Variants in MAP3K20 observed in about 807,000 individuals in gnomAD.
MAP3K20 encodes mitogen-activated protein kinase kinase kinase 20, also known as HCCS-4.
In MAP3K20, 40 loss-of-function variants were observed where a neutral mutation model predicts 85.7. The observed-to-expected ratio is 0.47, with a 90% CI of 0.36 to 0.61. The LOEUF (loss-of-function observed/expected upper bound fraction) is 0.61. Among genes scored for constraint, MAP3K20 ranks in the 20% least tolerant of loss-of-function variants. The pLI, the probability that MAP3K20 is intolerant of heterozygous loss-of-function variation, is 0.00. For missense variants in MAP3K20, 817 were observed against 961.7 expected, an observed-to-expected ratio of 0.85 and a Z score of 1.99; for synonymous variants, 325 against 327.7, an observed-to-expected ratio of 0.99 and a Z score of 0.09.
At chr2:173,136,884 GC>G in intron 2 of MAP3K20, among the ~76,000 whole-genome samples, 1 of 152,202 alleles carries the variant, frequency 6.6e-6, no homozygotes, top group Non-Finnish European at 1.5e-5. Context: ...GCAGAAGAGT[GC>G]CCACATCCAT....
At chr2:173,264,780 G>T (rs1394579759) in intron 19 of MAP3K20, among the ~76,000 whole-genome samples, 1 of 152,046 alleles carries the variant, frequency 6.6e-6, no homozygotes, top group African/African-American at 2.4e-5. Context: ...CTCATGTGAC[G>T]TATGTAAAGT....
chr2:173,168,558 C>T lies in MAP3K20; in HGVS notation c.160-1247C>T, dbSNP rs185915987. ...AAATAACACTAATTCATAGTGTACA[C>T]ATTCCCAAAGGGGAGTCCCTTTCTG... On this transcript the variant is annotated intron_variant, in intron 2 of 19. Transcript: ENST00000375213. Among the ~76,000 whole-genome samples, 286 of 152,294 alleles carry T rather than the reference C, an allele frequency of 1.9e-3. 3 individuals carry two copies. Among genetic ancestry groups the T allele is most frequent in the Non-Finnish European group, 3.0e-3 (207 of 68,030 alleles).
At chr2:173,076,803 C>T (rs1011699718) in intron 1 of MAP3K20, among the ~76,000 whole-genome samples, 1 of 152,226 alleles carries the variant, frequency 6.6e-6, no homozygotes, top group African/African-American at 2.4e-5. Context: ...TGTGGGCTCC[C>T]AGACCTGCAC....
rs1688899238 is a variant in MAP3K20, at chr2:173,139,288, A to G, written c.160-30517A>G. Reference sequence around the variant, plus strand: ...AATTGACCATATTTCCGATGCCTTAATGTCCTCCGAAACATTACTGCCACA... The same window carrying G: ...AATTGACCATATTTCCGATGCCTTAGTGTCCTCCGAAACATTACTGCCACA... On this transcript the variant is annotated intron_variant, in intron 2 of 19. Coordinates refer to ENST00000375213, the MANE Select transcript of MAP3K20 (RefSeq NM_016653.3). Among the ~76,000 whole-genome samples, 3 of 152,278 alleles carry G rather than the reference A, an allele frequency of 2.0e-5. No homozygotes were observed. In the South Asian group the frequency reaches 6.2e-4, roughly 32 times the overall value.
chr2:173,266,511 C>T lies in MAP3K20; in HGVS notation c.2164C>T (p.Leu722Phe), dbSNP rs1685426625. The T allele has an allele frequency of 1.4e-5, 22 of 1,614,064 alleles. No individual in the cohort carries two copies. In the East Asian group the frequency reaches 4.9e-4, roughly 36 times the overall value. Residue 722 changes from leucine to phenylalanine, a missense_variant, in exon 20 of 20, where the codon CTC (leucine) becomes TTC (phenylalanine). This residue lies in a region of MAP3K20 where 454 missense variants were observed against 476.9 expected (regional missense o/e 0.95). Transcript: ENST00000375213. ...GTTCTACAGGGTTTCTCAGTCAGCA[C>T]TCAATCCTCACCAGTCGCCTGACTT... The part of the protein sequence containing the change: ...GKFYRVSQSA[L>F]NPHQSPDFKR...
intron 2 of MAP3K20, among the ~76,000 whole-genome samples, chr2:173,093,794 G>A (rs1192858280): frequency 6.6e-6 from 1 of 152,084 alleles, no homozygotes; most frequent in African/African-American, 2.4e-5. Flanking sequence ...TATACACCAT[G>A]GAATACTATG....
intron 3 of MAP3K20, 111 bp downstream of exon 3, chr2:173,170,003 A>G: frequency 1.0e-6 from 1 of 961,736 alleles, no homozygotes. Flanking sequence ...TGTTACTGTC[A>G]GATGTCACTT....
chr2:173,134,446 T>TTTTTTTC (rs1688740686), intron 2 of MAP3K20, among the ~76,000 whole-genome samples: 1 of 98,362 alleles, frequency 1.0e-5, no homozygotes, highest in Non-Finnish European at 2.1e-5. Flanking sequence ...TTTTTTTTTT[T>TTTTTTTC]TGCAGAGACG....
chr2:173,209,250 T>C (rs1683794008), intron 9 of MAP3K20, among the ~76,000 whole-genome samples: 1 of 152,152 alleles, frequency 6.6e-6, no homozygotes, highest in Non-Finnish European at 1.5e-5. Flanking sequence ...TTAGTTCCAA[T>C]AGATTGATAG....
chr2:173,263,327 T>C (rs765168538), intron 18 of MAP3K20, among the ~76,000 whole-genome samples: 11 of 152,228 alleles, frequency 7.2e-5, no homozygotes, highest in Non-Finnish European at 1.3e-4. Flanking sequence ...CAGATTTTCA[T>C]TTATTCAACA....
chr2:173,161,583 T>C (rs187117746), intron 2 of MAP3K20, among the ~76,000 whole-genome samples: 2 of 152,294 alleles, frequency 1.3e-5, no homozygotes, highest in East Asian at 1.9e-4. Flanking sequence ...TGTGGTATTA[T>C]ACTAGATATT....
At chr2:173,253,067 C>T (rs1685077597) in intron 16 of MAP3K20, among the ~76,000 whole-genome samples, 2 of 152,322 alleles carry the variant, frequency 1.3e-5, no homozygotes, top group South Asian at 4.1e-4. Context: ...TCACAGCCCC[C>T]TGCACGCCCA....
At chr2:173,175,816 A>G (rs961215629) in intron 3 of MAP3K20, among the ~76,000 whole-genome samples, 1 of 152,140 alleles carries the variant, frequency 6.6e-6, no homozygotes, top group Non-Finnish European at 1.5e-5. Context: ...GTTTGACTAG[A>G]TGGTGAAGAG....
Sources: allele counts gnomAD v4.1 joint callset (sites outside exome capture counted in the v4.1 genomes callset), GRCh38; gene constraint gnomAD v4.1.1; regional missense constraint gnomAD v4.1.1; transcripts MANE v1.5; gene names NCBI Gene and HGNC (gene_info 2026-07-23, HGNC 2026-07-21).